UNC13C: variants seen among roughly 807,000 people sequenced by gnomAD.
The protein encoded by UNC13C is unc-13 homolog C, also known as protein unc-13 homolog C.
A neutral mutation model predicts 245.4 loss-of-function variants in UNC13C; 174 were observed. The ratio of observed to expected loss-of-function variants is 0.71; its 90% confidence interval spans 0.63 to 0.80. The LOEUF (loss-of-function observed/expected upper bound fraction) is 0.80, where lower values mean the gene tolerates loss of function less well. Among genes scored for constraint, UNC13C ranks in the 30% least tolerant of loss-of-function variants. The pLI is 0.00. For missense variants in UNC13C, 2,829 were observed against 2,602.9 expected, an observed-to-expected ratio of 1.09 and a Z score of -1.89; for synonymous variants, 992 against 895.1, an observed-to-expected ratio of 1.11 and a Z score of -1.93.
chr15:54,451,011 T>G (rs1048340462), intron 19 of UNC13C, among the ~76,000 whole-genome samples: 19 of 152,164 alleles, frequency 1.2e-4, no homozygotes, highest in Admixed American at 6.5e-5. Context: ...GTGTATAGTA[T>G]TTTTGGTGGA....
chr15:54,098,363 C>G (rs182389653), intron 2 of UNC13C, among the ~76,000 whole-genome samples: 8 of 151,914 alleles, frequency 5.3e-5, no homozygotes, highest in Non-Finnish European at 8.8e-5. Context: ...TTAGTAGAGA[C>G]GAGGTTTCAC....
At chr15:54,381,213 A>C (rs117386253) in intron 17 of UNC13C, among the ~76,000 whole-genome samples, 2 of 152,034 alleles carry the variant, frequency 1.3e-5, no homozygotes, top group Non-Finnish European at 2.9e-5. Flanking sequence ...GATTGAAGAG[A>C]TTGTCCTTTA....
Position 54,453,237 on chromosome 15 carries a change from C to A in UNC13C, c.4933+38170C>A, listed in dbSNP as rs145055584. Among the ~76,000 whole-genome samples the A allele has an allele frequency of 2.4e-4, 37 of 152,282 alleles. No individual in the cohort carries two copies. In the East Asian group the frequency reaches 7.0e-3, roughly 29 times the overall value. On this transcript the variant is annotated intron_variant, in intron 19 of 32. Transcript: ENST00000260323. ...GGTGGGAATGTAGACTGCTAGGGAT[C>A]ACTCACTTACCCTTTTCCTGCACTG...
At chr15:53,932,015 CA>C in the UNC13C span, among the ~76,000 whole-genome samples, 1 of 152,034 alleles carries the variant, frequency 6.6e-6, no homozygotes, top group Non-Finnish European at 1.5e-5. Flanking sequence ...GCTGGTTTAA[CA>C]GTGCTGACCT....
intron 4 of UNC13C, among the ~76,000 whole-genome samples, chr15:54,184,593 G>T (rs2033910927): frequency 6.6e-6 from 1 of 152,108 alleles, no homozygotes; most frequent in African/African-American, 2.4e-5. Context: ...CAAAGGACAT[G>T]AACTCATCAT....
intron 4 of UNC13C, among the ~76,000 whole-genome samples, chr15:54,177,893 T>G (rs1482971914): frequency 6.6e-6 from 1 of 152,126 alleles, no homozygotes; most frequent in Non-Finnish European, 1.5e-5. Flanking sequence ...GGCAGTATTA[T>G]TAAACATTTT....
chr15:54,475,659 A>G (rs1377566342), intron 19 of UNC13C, among the ~76,000 whole-genome samples: 7 of 149,952 alleles, frequency 4.7e-5, no homozygotes, highest in African/African-American at 1.7e-4. Context: ...ATGGCTGCAT[A>G]GTATTCCATG....
chr15:54,001,986 T>C lies in UNC13C; in HGVS notation c.-256-10662T>C, dbSNP rs181822233. 1.7e-3 allele frequency among the ~76,000 whole-genome samples: 256 copies of C among 152,296 alleles called. 1 individual carries two copies. The highest frequency in any genetic ancestry group is 5.2e-3 in the South Asian group (25 of 4,816). ...ATGATGCGGTATGGTTTGGTAACCA[T>C]ACAGAAATTATTCAAATCAGCCAGG... On this transcript the variant is annotated intron_variant, in intron 1 of 32. Coordinates refer to ENST00000260323, the MANE Select transcript of UNC13C (RefSeq NM_001080534.3).
chr15:54,400,157 T>C (rs1364988705), intron 18 of UNC13C, among the ~76,000 whole-genome samples: 1 of 152,028 alleles, frequency 6.6e-6, no homozygotes, highest in Non-Finnish European at 1.5e-5. Context: ...CTCTAAAAAT[T>C]ATGGCTTTCT....
At chr15:54,280,765 CAT>C in intron 10 of UNC13C, among the ~76,000 whole-genome samples, 1 of 113,330 alleles carries the variant, frequency 8.8e-6, no homozygotes, top group Non-Finnish European at 1.8e-5. Context: ...CACATACATA[CAT>C]ACATATATAT....
At chr15:54,615,065 A>G (rs1023887445) in intron 30 of UNC13C, among the ~76,000 whole-genome samples, 1 of 151,922 alleles carries the variant, frequency 6.6e-6, no homozygotes, top group Non-Finnish European at 1.5e-5. Context: ...AGATTTTTCA[A>G]TGTGTATGTG....
chr15:54,191,420 T>C (rs539987827), intron 4 of UNC13C, among the ~76,000 whole-genome samples: 2 of 152,338 alleles, frequency 1.3e-5, no homozygotes, highest in Admixed American at 6.5e-5. Context: ...AGGGTGTATA[T>C]GTGCCACATT....
chr15:54,049,402 T>C (rs1456885129), intron 2 of UNC13C: 1 of 509,400 alleles, frequency 2.0e-6, no homozygotes, highest in Admixed American at 2.2e-5. Context: ...TTCTTTGAGA[T>C]CAAATATAAT....
At chr15:54,045,706 G>T (rs752683843) in intron 2 of UNC13C, among the ~76,000 whole-genome samples, 1 of 152,178 alleles carries the variant, frequency 6.6e-6, no homozygotes, top group Non-Finnish European at 1.5e-5. Context: ...TGAACAAAGA[G>T]TAAGTTATTT....
intron 19 of UNC13C, among the ~76,000 whole-genome samples, chr15:54,468,910 G>A (rs1057003486): frequency 1.7e-4 from 26 of 151,438 alleles, no homozygotes; most frequent in South Asian, 2.1e-4. Context: ...GATTACTTTG[G>A]CTATTTCAAG....
At chr15:54,549,584 A>G (rs769531583) in intron 27 of UNC13C, 51 bp from the exon 28 acceptor site, 11 of 1,342,558 alleles carry the variant, frequency 8.2e-6, no homozygotes, top group Admixed American at 6.1e-5. Context: ...ATTGTGACTA[A>G]TACTGAATAT....
intron 4 of UNC13C, among the ~76,000 whole-genome samples, chr15:54,195,038 GC>G (rs2034306780): frequency 6.6e-6 from 1 of 152,138 alleles, no homozygotes; most frequent in Non-Finnish European, 1.5e-5. Context: ...AGTTGGGTTA[GC>G]TTTTCAGGAT....
At chr15:54,410,932 T>G (rs2040404624) in intron 18 of UNC13C, among the ~76,000 whole-genome samples, 1 of 152,206 alleles carries the variant, frequency 6.6e-6, no homozygotes, top group African/African-American at 2.4e-5. Context: ...ACTATAACAT[T>G]TTGCATTCTC....
At chr15:54,296,386 T>TGTA (rs2037434486) in intron 11 of UNC13C, among the ~76,000 whole-genome samples, 1 of 135,356 alleles carries the variant, frequency 7.4e-6, no homozygotes, top group Admixed American at 7.4e-5. Context: ...TTTTTTTATT[T>TGTA]TTTTTTATTT....
Sources: gnomAD v4.1 joint callset for allele counts (sites outside exome capture counted in the v4.1 genomes callset) on GRCh38, gnomAD v4.1.1 for gene constraint, MANE v1.5 for transcripts, NCBI Gene and HGNC (gene_info 2026-07-23, HGNC 2026-07-21) for gene names.